The following ZNF730 variants were observed in gnomAD, a reference collection of about 807,000 sequenced individuals.
The protein encoded by ZNF730 is zinc finger protein 730.
ZNF730 carries 12 observed loss-of-function variants against 12.6 expected under a neutral mutation model. The ratio of observed to expected loss-of-function variants is 0.95; its 90% confidence interval spans 0.61 to 1.54. The LOEUF is 1.54. Ranked by LOEUF, ZNF730 falls within the 40% of genes most tolerant of loss-of-function variation. ZNF730 has a pLI of 0.00. For synonymous variants in ZNF730, 194 were observed against 195.8 expected (o/e 0.99, Z 0.08); for missense variants, 643 against 583.5 (o/e 1.10, Z -1.05).
chr19:23,134,604 G>C (rs1435124800), intron 2 of ZNF730, among the ~76,000 whole-genome samples: 5 of 145,264 alleles, frequency 3.4e-5, no homozygotes, highest in Admixed American at 1.3e-4. Context: ...GGTGGGGGGG[G>C]GGGTCAGCCC....
intron 1 of ZNF730, chr19:23,127,866 G>A: frequency 1.5e-6 from 1 of 658,962 alleles, no homozygotes; most frequent in South Asian, 1.7e-5. Flanking sequence ...GTATAGAAGA[G>A]GATGTGATAT....
At chr19:23,108,243 C>T (rs1497242) in intron 1 of ZNF730, among the ~76,000 whole-genome samples, 11,293 of 151,980 alleles carry the variant, frequency 0.074, 569 homozygotes, top group Non-Finnish European at 0.1. Context: ...ATTAAAATCA[C>T]ACTGTTGCCC....
intron 1 of ZNF730, among the ~76,000 whole-genome samples, chr19:23,083,595 GTTT>G (rs541018274): frequency 7.2e-6 from 1 of 139,628 alleles, no homozygotes; most frequent in African/African-American, 2.6e-5. Context: ...ATTAGTGCTT[GTTT>G]TTTTTTTTTT....
intron 1 of ZNF730, 91 bp downstream of exon 1, chr19:23,117,267 A>T (rs1970541605): frequency 1.2e-6 from 2 of 1,602,494 alleles, no homozygotes; most frequent in East Asian, 2.2e-5. Context: ...GCCTCCCCGC[A>T]GTCAGCTTCA....
intron 1 of ZNF730, among the ~76,000 whole-genome samples, chr19:23,076,507 T>A (rs950350758): frequency 1.6e-4 from 24 of 152,252 alleles, no homozygotes; most frequent in African/African-American, 5.8e-4. Flanking sequence ...TTCAGAACTG[T>A]CTTAACCAAC....
Position 23,146,359 on chromosome 19 carries a change from C to A in ZNF730, c.1315C>A (p.Leu439Ile), listed in dbSNP as rs895177400. 13 of 1,613,424 alleles carry A rather than the reference C, an allele frequency of 8.1e-6. No homozygotes were observed. The highest frequency in any genetic ancestry group is 1.1e-5 in the Non-Finnish European group (13 of 1,179,804). The change falls in exon 4 of 4, where the codon CTT (leucine) becomes ATT (isoleucine). Residue 439 changes from leucine to isoleucine, a missense_variant. Physicochemically the swap from Leu to Ile is conservative, Grantham distance 5 (BLOSUM62 2). Coordinates refer to ENST00000597761, the MANE Select transcript of ZNF730 (RefSeq NM_001277403.2). ...CGRAFNQSST[L>I]TTHKRIHTGE... ...CAGAGCTTTCAACCAGTCCTCAACC[C>A]TTACTACACATAAAAGAATTCATAC...
intron 1 of ZNF730, chr19:23,127,694 AC>A: frequency 8.1e-7 from 1 of 1,241,200 alleles, no homozygotes; most frequent in Non-Finnish European, 1.2e-6. Context: ...AGAAATGTCC[AC>A]CAGCAGAGCA....
intron 1 of ZNF730, among the ~76,000 whole-genome samples, chr19:23,117,723 G>A (rs1266186904): frequency 6.6e-6 from 1 of 152,162 alleles, no homozygotes; most frequent in Non-Finnish European, 1.5e-5. Flanking sequence ...CCCAAATTCA[G>A]TAATCGGTTA....
At chr19:23,077,208 AAGT>A (rs765701111) in intron 1 of ZNF730, among the ~76,000 whole-genome samples, 68 of 152,062 alleles carry the variant, frequency 4.5e-4, no homozygotes, top group Non-Finnish European at 8.1e-4. Flanking sequence ...GGAACAAAAA[AAGT>A]AATTAATGGG....
chr19:23,135,033 C>T (rs561572900), intron 2 of ZNF730, among the ~76,000 whole-genome samples: 2 of 119,920 alleles, frequency 1.7e-5, no homozygotes, highest in African/African-American at 3.2e-5. Flanking sequence ...GCAGCATGCT[C>T]GTTAAGAGTC....
intron 3 of ZNF730, chr19:23,144,304 C>T (rs1422850148): frequency 6.6e-6 from 1 of 152,046 alleles, no homozygotes; most frequent in African/African-American, 2.4e-5. Context: ...TAAAAGCAAT[C>T]GTTTTGGCTA....
Position 23,117,107 on chromosome 19 carries a change from G to A in ZNF730, c.-67G>A. The A allele has an allele frequency of 6.2e-7, 1 of 1,611,612 alleles. No homozygotes were observed. Among genetic ancestry groups the A allele is most frequent in the Non-Finnish European group, 8.5e-7 (1 of 1,178,132 alleles). On this transcript the variant is annotated 5_prime_UTR_variant, in exon 1 of 4. Coordinates refer to ENST00000597761, the MANE Select transcript of ZNF730 (RefSeq NM_001277403.2). ...CTGCACGTAGAAGCCCAGCCTGTGT[G>A]GCCCTGCGACCTGCGGGTATTGGGA...
chr19:23,115,249 G>C (rs914702327), upstream of ZNF730, among the ~76,000 whole-genome samples: 1 of 152,128 alleles, frequency 6.6e-6, no homozygotes, highest in African/African-American at 2.4e-5. Context: ...CTGAGCTTTG[G>C]AGTCAGAATT....
At chr19:23,077,991 C>A (rs550661215) in intron 1 of ZNF730, among the ~76,000 whole-genome samples, 7 of 152,266 alleles carry the variant, frequency 4.6e-5, no homozygotes, top group Non-Finnish European at 1.0e-4. Flanking sequence ...TTAAAGTCAT[C>A]ACCAGTCTCT....
intron 1 of ZNF730, chr19:23,127,225 A>G: frequency 1.6e-6 from 1 of 622,772 alleles, no homozygotes; most frequent in Non-Finnish European, 3.1e-6. Flanking sequence ...TGATTTAACC[A>G]TGTTTTTAAA....
upstream of ZNF730, among the ~76,000 whole-genome samples, chr19:23,113,781 A>G (rs1414168991): frequency 6.6e-6 from 1 of 152,186 alleles, no homozygotes; most frequent in African/African-American, 2.4e-5. Context: ...TAGTTCTGCT[A>G]TTTCACAGTG....
chr19:23,139,848 T>A (rs1970887928), intron 3 of ZNF730, among the ~76,000 whole-genome samples: 1 of 152,158 alleles, frequency 6.6e-6, no homozygotes, highest in Non-Finnish European at 1.5e-5. Flanking sequence ...TAATGCTACA[T>A]CAACGTTGCA....
intron 1 of ZNF730, chr19:23,095,594 T>A (rs1198721121): frequency 2.5e-6 from 1 of 396,132 alleles, no homozygotes; most frequent in East Asian, 3.6e-5. Flanking sequence ...AATACTAAGA[T>A]GACATCATTC....
chr19:23,097,955 A>G (rs935427442), intron 1 of ZNF730, among the ~76,000 whole-genome samples: 2 of 152,160 alleles, frequency 1.3e-5, no homozygotes, highest in African/African-American at 2.4e-5. Flanking sequence ...CCTGGCCAAC[A>G]TGGCAAAACG....
Sources: allele counts gnomAD v4.1 joint callset (sites outside exome capture counted in the v4.1 genomes callset), GRCh38; gene constraint gnomAD v4.1.1; transcripts MANE v1.5; gene names NCBI Gene and HGNC (gene_info 2026-07-23, HGNC 2026-07-21).